The following NRXN1 variants were observed in gnomAD, a reference collection of about 807,000 sequenced individuals.
NRXN1 encodes the protein neurexin 1.
A neutral mutation model predicts 150.9 loss-of-function variants in NRXN1; 39 were observed. The ratio of observed to expected loss-of-function variants is 0.26; its 90% CI spans 0.20 to 0.34. The LOEUF is 0.34. Among genes scored for constraint, NRXN1 ranks in the 10% least tolerant of loss-of-function variants. The pLI is 1.00. For missense variants in NRXN1, 1,815 were observed against 1,949.9 expected (o/e 0.93, Z 1.30); for synonymous variants, 924 against 757.0 (o/e 1.22, Z -3.62).
chr2:50,575,851 A>C (rs1379359829), intron 8 of NRXN1, among the ~76,000 whole-genome samples: 1 of 152,144 alleles, frequency 6.6e-6, no homozygotes, highest in Non-Finnish European at 1.5e-5. Context: ...TTTTCTTTGG[A>C]GGCAAAGCAT....
chr2:50,053,457 G>T lies in NRXN1; in HGVS notation c.3942C>A (p.Asn1314Lys), dbSNP rs140089808. 6.2e-7 allele frequency: 1 copy of T among 1,613,956 alleles called. No individual in the cohort carries two copies. Among genetic ancestry groups the T allele is most frequent in the Non-Finnish European group, 8.5e-7 (1 of 1,179,922 alleles). ...GLKVLNMAAE[N>K]DANIAIVGNV... ...TTCCCACTATGGCGATGTTGGCATC[G>T]TTTTCGGCTGCCATATTCAGAACTT... The change falls in exon 21 of 23, where the codon AAC (asparagine) becomes AAA (lysine). Residue 1314 changes from asparagine (N) to lysine (K), a missense_variant. Asn to Lys is a moderately conservative substitution (Grantham distance 94, BLOSUM62 0). This residue lies in a region of NRXN1 where 265 missense variants were observed against 307.1 expected (regional missense o/e 0.86). Coordinates refer to ENST00000401669, the MANE Select transcript of NRXN1 (RefSeq NM_001330078.2).
Position 50,881,922 on chromosome 2 carries a change from C to CT in NRXN1, c.832+39946dup, listed in dbSNP as rs201277040. On this transcript the variant is annotated intron_variant, in intron 5 of 22. Coordinates refer to ENST00000401669, the MANE Select transcript of NRXN1 (RefSeq NM_001330078.2). ...TTTTTTTAAAAAAATATAATACAAA[C>CT]TTTTTTTTCTATAAACGCAAAAATA... Among the ~76,000 whole-genome samples the CT allele has an allele frequency of 4.1e-3, 625 of 151,560 alleles. 4 individuals are homozygous for CT. Among genetic ancestry groups the CT allele is most frequent in the African/African-American group, 0.014 (585 of 41,372 alleles).
At chr2:50,540,262 G>T (rs937883273) in intron 9 of NRXN1, among the ~76,000 whole-genome samples, 43 of 152,268 alleles carry the variant, frequency 2.8e-4, no homozygotes, top group African/African-American at 1.0e-3. Context: ...AAAGAGAAAA[G>T]GACAAAGTAT....
At chr2:49,942,152 G>A (rs1009937264) in intron 22 of NRXN1, among the ~76,000 whole-genome samples, 3 of 152,118 alleles carry the variant, frequency 2.0e-5, no homozygotes, top group Admixed American at 6.5e-5. Flanking sequence ...AGAATGGAAT[G>A]GATGATCGTG....
chr2:50,511,283 G>A (rs775849005), intron 12 of NRXN1, among the ~76,000 whole-genome samples: 2 of 152,062 alleles, frequency 1.3e-5, no homozygotes, highest in African/African-American at 4.8e-5. Context: ...GTCTGGTCTC[G>A]AACTCCTGAT....
At chr2:50,569,767 C>A (rs1443497171) in intron 8 of NRXN1, among the ~76,000 whole-genome samples, 3 of 152,096 alleles carry the variant, frequency 2.0e-5, no homozygotes, top group Non-Finnish European at 4.4e-5. Flanking sequence ...AGACCCCTGG[C>A]CCTGTCATTA....
intron 17 of NRXN1, among the ~76,000 whole-genome samples, chr2:50,345,258 G>C (rs949560794): frequency 2.6e-5 from 4 of 152,122 alleles, no homozygotes; most frequent in Non-Finnish European, 4.4e-5. Context: ...CTCCCAAAGA[G>C]GGCTTGCTAG....
At chr2:50,612,141 GTTAC>G (rs746098947) in intron 8 of NRXN1, among the ~76,000 whole-genome samples, 1 of 152,070 alleles carries the variant, frequency 6.6e-6, no homozygotes, top group Non-Finnish European at 1.5e-5. Context: ...GCTTAGTTTT[GTTAC>G]TTACTAATTA....
chr2:49,962,155 T>G (rs760067564), intron 21 of NRXN1, among the ~76,000 whole-genome samples: 14 of 152,168 alleles, frequency 9.2e-5, no homozygotes, highest in Admixed American at 2.0e-4. Flanking sequence ...GAGTATTGAT[T>G]ATATAATTTG....
intron 17 of NRXN1, among the ~76,000 whole-genome samples, chr2:50,420,963 TGTGTGTG>T (rs2083942098): frequency 1.8e-3 from 3 of 1,632 alleles, no homozygotes; most frequent in Non-Finnish European, 2.9e-3. Flanking sequence ...AAAATAGACC[TGTGTGTG>T]TGTGTGTGTG....
At chr2:50,787,767 G>A (rs938698481) in intron 5 of NRXN1, among the ~76,000 whole-genome samples, 2 of 151,692 alleles carry the variant, frequency 1.3e-5, no homozygotes, top group East Asian at 1.9e-4. Flanking sequence ...CAGGAACCAT[G>A]AGTTAGTTGT....
intron 2 of NRXN1, among the ~76,000 whole-genome samples, 165 bp from the exon 3 acceptor site, chr2:50,926,120 G>A (rs1213185833): frequency 6.6e-6 from 1 of 151,824 alleles, no homozygotes; most frequent in Non-Finnish European, 1.5e-5. Context: ...CAGGGAAGCA[G>A]GTTCCCTCCC....
chr2:50,770,793 A>G (rs1289310820), intron 5 of NRXN1, among the ~76,000 whole-genome samples: 2 of 152,018 alleles, frequency 1.3e-5, no homozygotes, highest in African/African-American at 2.4e-5. Flanking sequence ...ACTGGTAGAG[A>G]GAGAGTAAAG....
chr2:50,578,679 A>G (rs776509314), intron 8 of NRXN1, among the ~76,000 whole-genome samples: 31 of 152,084 alleles, frequency 2.0e-4, no homozygotes, highest in Non-Finnish European at 2.5e-4. Context: ...CACCATCACC[A>G]TCCCTCATTT....
Position 51,011,352 on chromosome 2 carries a change from T to C in NRXN1, c.772+16150A>G, listed in dbSNP as rs368589406. Reference sequence around the variant, plus strand: ...TATATAAAAGGTGTAAGTGCTCCCCTGGGGACTTAGAATCAAGTGAAGAAA... The same window carrying C: ...TATATAAAAGGTGTAAGTGCTCCCCCGGGGACTTAGAATCAAGTGAAGAAA... On this transcript the variant is annotated intron_variant, in intron 2 of 22. Coordinates refer to ENST00000401669, the MANE Select transcript of NRXN1 (RefSeq NM_001330078.2). 1.2e-4 allele frequency among the ~76,000 whole-genome samples: 19 copies of C among 152,098 alleles called. No individual in the cohort carries two copies. In the South Asian group the frequency reaches 3.9e-3, roughly 32 times the overall value.
chr2:50,293,048 G>A (rs539162693), intron 17 of NRXN1, among the ~76,000 whole-genome samples: 1 of 152,104 alleles, frequency 6.6e-6, no homozygotes, highest in Non-Finnish European at 1.5e-5. Flanking sequence ...TCCATTATCT[G>A]TGCCCCTAAG....
chr2:50,982,112 C>T (rs1274565893), intron 2 of NRXN1, among the ~76,000 whole-genome samples: 1 of 151,948 alleles, frequency 6.6e-6, no homozygotes, highest in African/African-American at 2.4e-5. Context: ...CTTGAAATAA[C>T]AAATAGGCAA....
intron 5 of NRXN1, among the ~76,000 whole-genome samples, chr2:50,755,221 C>T (rs1701032971): frequency 6.6e-6 from 1 of 151,828 alleles, no homozygotes; most frequent in Non-Finnish European, 1.5e-5. Context: ...GTTCAAAGAA[C>T]ACTAGCTTAG....
chr2:50,659,960 A>C (rs967538780), intron 5 of NRXN1, among the ~76,000 whole-genome samples: 3 of 152,032 alleles, frequency 2.0e-5, no homozygotes, highest in African/African-American at 7.2e-5. Context: ...AAACAGATTT[A>C]TCATTACAAT....
Sources: gnomAD v4.1 joint callset for allele counts (sites outside exome capture counted in the v4.1 genomes callset) on GRCh38, gnomAD v4.1.1 for gene constraint, gnomAD v4.1.1 regional missense constraint, MANE v1.5 for transcripts, NCBI Gene and HGNC (gene_info 2026-07-23, HGNC 2026-07-21) for gene names.